DAO: variants seen among roughly 807,000 people sequenced by gnomAD.
DAO encodes D-amino acid oxidase.
In DAO, 51 loss-of-function variants were observed where a neutral mutation model predicts 50.1. That is an observed-to-expected ratio of 1.02 (90% CI 0.81 to 1.29). The LOEUF is 1.29. Ranked by LOEUF, DAO falls within the 50% of genes most tolerant of loss-of-function variation. DAO has a pLI of 0.00. For synonymous variants in DAO, 160 were observed against 166.2 expected, an observed-to-expected ratio of 0.96 and a Z score of 0.29; for missense variants, 436 against 439.4, an observed-to-expected ratio of 0.99 and a Z score of 0.07.
intron 1 of DAO, among the ~76,000 whole-genome samples, chr12:108,884,649 C>T (rs1236947029): frequency 6.6e-6 from 1 of 152,152 alleles, no homozygotes; most frequent in Non-Finnish European, 1.5e-5. Flanking sequence ...GAGCCCATCG[C>T]ACTAACCACC....
chr12:108,897,419 T>C (rs957921333), intron 8 of DAO, among the ~76,000 whole-genome samples: 14 of 152,036 alleles, frequency 9.2e-5, no homozygotes, highest in African/African-American at 3.1e-4. Flanking sequence ...GGTTTCACCA[T>C]GTTGGCCAGG....
At chr12:108,886,347 G>A (rs2039435952) in intron 2 of DAO, among the ~76,000 whole-genome samples, 1 of 152,068 alleles carries the variant, frequency 6.6e-6, no homozygotes, top group African/African-American at 2.4e-5. Context: ...TTCTAAGTGG[G>A]TGAACATCTA....
At chr12:108,893,082 G>C in intron 6 of DAO, 46 bp downstream of exon 6, 1 of 1,563,850 alleles carries the variant, frequency 6.4e-7, no homozygotes, top group Non-Finnish European at 8.8e-7. Context: ...GAGAAGAGGG[G>C]AGGCCTCTGC....
At chr12:108,890,477 C>A (rs946177070) in intron 5 of DAO, among the ~76,000 whole-genome samples, 1 of 152,206 alleles carries the variant, frequency 6.6e-6, no homozygotes, top group African/African-American at 2.4e-5. Flanking sequence ...TCAGAACCAC[C>A]TGGGCAGCTG....
At chr12:108,891,051 G>C (rs1055897081) in intron 5 of DAO, among the ~76,000 whole-genome samples, 3 of 152,134 alleles carry the variant, frequency 2.0e-5, no homozygotes, top group African/African-American at 7.2e-5. Flanking sequence ...TCAATCTCCT[G>C]ACCTCGTAAT....
At chr12:108,883,407 A>G (rs548474094) in intron 1 of DAO, among the ~76,000 whole-genome samples, 88 of 152,288 alleles carry the variant, frequency 5.8e-4, no homozygotes, top group African/African-American at 1.8e-3. Context: ...CGGCCTCCCG[A>G]GGTATTGGGA....
At chr12:108,895,022 G>C (rs1432248099) in intron 7 of DAO, among the ~76,000 whole-genome samples, 1 of 152,212 alleles carries the variant, frequency 6.6e-6, no homozygotes, top group Non-Finnish European at 1.5e-5. Context: ...AGCCTATTGT[G>C]TTAATTAATT....
intron 1 of DAO, chr12:108,883,521 C>A: frequency 2.4e-6 from 1 of 415,408 alleles, no homozygotes; most frequent in African/African-American, 2.1e-5. Flanking sequence ...AGGAAGGAGG[C>A]TGCTGTGTGT....
intron 5 of DAO, among the ~76,000 whole-genome samples, chr12:108,891,067 C>T (rs370947924): frequency 2.0e-5 from 3 of 152,150 alleles, no homozygotes; most frequent in Non-Finnish European, 2.9e-5. Context: ...GTAATCTGCC[C>T]GCCTCGGCCT....
intron 8 of DAO, 82 bp downstream of exon 8, chr12:108,897,170 A>T: frequency 1.1e-6 from 1 of 930,790 alleles, no homozygotes. Flanking sequence ...CAAGCTCCTT[A>T]CTCCCTGCAG....
At chr12:108,892,780 G>T (rs1194370642) in intron 5 of DAO, among the ~76,000 whole-genome samples, 2 of 152,150 alleles carry the variant, frequency 1.3e-5, no homozygotes, top group Non-Finnish European at 2.9e-5. Flanking sequence ...GACCATCTCT[G>T]GTTTCTCAAA....
At chr12:108,884,118 G>C (rs1381563806) in intron 1 of DAO, among the ~76,000 whole-genome samples, 1 of 152,260 alleles carries the variant, frequency 6.6e-6, no homozygotes, top group Non-Finnish European at 1.5e-5. Flanking sequence ...GGCCCAATCA[G>C]CCCTGTGCCC....
chr12:108,886,287 G>T (rs959538960), intron 2 of DAO, among the ~76,000 whole-genome samples: 1 of 151,980 alleles, frequency 6.6e-6, no homozygotes. Context: ...GCCTCCCAAA[G>T]TGCTGGGATT....
intron 5 of DAO, among the ~76,000 whole-genome samples, chr12:108,892,402 G>A (rs1488455435): frequency 3.3e-5 from 5 of 151,870 alleles, no homozygotes; most frequent in Non-Finnish European, 5.9e-5. Context: ...TCCTGACCTC[G>A]TGATCCGCCC....
chr12:108,885,210 G>A lies in DAO; in HGVS notation c.194+10G>A. ...ACAACCCACAGGAGGCGTGAGTGAG[G>A]GTCACATAGGGTAGCCTGGGGTGCC... is the stretch of plus-strand genomic sequence containing the variant. On this transcript the variant is annotated intron_variant, in intron 2 of 10. Transcript: ENST00000228476. 4.3e-6 allele frequency: 7 copies of A among 1,610,132 alleles called. No homozygotes were observed. Among genetic ancestry groups the A allele is most frequent in the Non-Finnish European group, 5.1e-6 (6 of 1,179,544 alleles).
intron 4 of DAO, 49 bp from the exon 5 acceptor site, chr12:108,890,159 A>G: frequency 6.7e-7 from 1 of 1,486,376 alleles, no homozygotes; most frequent in Non-Finnish European, 9.4e-7. Context: ...CTTCAAATAT[A>G]GCTCTGATTT....
Position 108,894,068 on chromosome 12 carries a change from T to G in DAO, c.508-195T>G, listed in dbSNP as rs140038079. ...TGAGAATTAAGGAGGTAACCAGACA[T>G]TTTCAAGGTCACACGTCAGATAAAT... On this transcript the variant is annotated intron_variant, in intron 6 of 10. Coordinates refer to ENST00000228476, the MANE Select transcript of DAO (RefSeq NM_001917.5). 8.1e-4 allele frequency among the ~76,000 whole-genome samples: 124 copies of G among 152,220 alleles called. 2 individuals carry two copies. The South Asian group carries it at 0.016, about 20-fold the overall frequency.
At chr12:108,900,062 G>C in intron 10 of DAO, 1 of 355,334 alleles carries the variant, frequency 2.8e-6, no homozygotes, top group South Asian at 2.4e-5. Context: ...CTTTGGGATA[G>C]GGACAGTTCT....
At chr12:108,885,701 G>A (rs2137342446) in intron 2 of DAO, among the ~76,000 whole-genome samples, 1 of 152,316 alleles carries the variant, frequency 6.6e-6, no homozygotes, top group South Asian at 2.1e-4. Flanking sequence ...CTGGGTGCCT[G>A]TCAATACCAC....
Sources: gnomAD v4.1 joint callset for allele counts (sites outside exome capture counted in the v4.1 genomes callset) on GRCh38, gnomAD v4.1.1 for gene constraint, MANE v1.5 for transcripts, NCBI Gene and HGNC (gene_info 2026-07-23, HGNC 2026-07-21) for gene names.